Variants in PCDHGB1 observed in about 807,000 individuals in gnomAD.
PCDHGB1 encodes protocadherin gamma subfamily B, 1, also known as protocadherin gamma-B1.
A neutral mutation model predicts 56.6 loss-of-function variants in PCDHGB1; 34 were observed. That is an observed-to-expected ratio of 0.60 (90% CI 0.46 to 0.80). The LOEUF is 0.80. PCDHGB1 is among the 30% of genes least tolerant of loss of function. The probability of loss-of-function intolerance (pLI) is 0.00; values close to 1 mark genes in which losing one functional copy is unlikely to be tolerated. For missense variants in PCDHGB1, 1,278 were observed against 1,204.6 expected, an observed-to-expected ratio of 1.06 and a Z score of -0.90; for synonymous variants, 561 against 505.9, an observed-to-expected ratio of 1.11 and a Z score of -1.46.
At chr5:141,423,591 A>G in intron 1 of PCDHGB1, 1 of 1,613,312 alleles carries the variant, frequency 6.2e-7, no homozygotes, top group South Asian at 1.1e-5. Context: ...GCTGTGAGAA[A>G]AGCGAGCCAC....
At chr5:141,374,081 G>A (rs1588729709) in intron 1 of PCDHGB1, 1 of 1,524,542 alleles carries the variant, frequency 6.6e-7, no homozygotes. Flanking sequence ...TAATAAGCCA[G>A]TAATGGCGCC....
At chr5:141,394,064 C>G in intron 1 of PCDHGB1, 7 of 1,613,776 alleles carry the variant, frequency 4.3e-6, no homozygotes, top group Non-Finnish European at 5.9e-6. Flanking sequence ...ATGTCTCTAT[C>G]TACAATATCA....
intron 1 of PCDHGB1, chr5:141,374,029 A>T (rs1460112886): frequency 7.0e-7 from 1 of 1,428,780 alleles, no homozygotes; most frequent in Non-Finnish European, 9.2e-7. Flanking sequence ...AGCAAAAGTG[A>T]TGCAGATCTG....
intron 1 of PCDHGB1, chr5:141,378,833 C>T (rs1224132304): frequency 6.6e-6 from 1 of 152,128 alleles, no homozygotes; most frequent in East Asian, 1.9e-4. Context: ...GAACAGAAAA[C>T]AGCAGAGTTT....
At chr5:141,365,714 A>T in intron 1 of PCDHGB1, 3 of 1,613,646 alleles carry the variant, frequency 1.9e-6, no homozygotes, top group Non-Finnish European at 2.5e-6. Context: ...CACCTCTGTC[A>T]CAGAAAACAA....
intron 1 of PCDHGB1, chr5:141,399,854 G>T (rs747617678): frequency 6.2e-7 from 1 of 1,612,904 alleles, no homozygotes; most frequent in Non-Finnish European, 8.5e-7. Flanking sequence ...ATGGTGCCGC[G>T]CGCTGCAGAG....
intron 1 of PCDHGB1, among the ~76,000 whole-genome samples, chr5:141,483,525 A>G (rs1442825090): frequency 1.3e-5 from 2 of 152,126 alleles, no homozygotes; most frequent in African/African-American, 4.8e-5. Context: ...ATCCTGACTA[A>G]GGAAGCTGGG....
Position 141,485,585 on chromosome 5 carries a change from C to G in PCDHGB1, c.2410-9222C>G, listed in dbSNP as rs373987810. The G allele has an allele frequency of 7.4e-6, 12 of 1,612,204 alleles. No individual in the cohort carries two copies. The highest frequency in any genetic ancestry group is 1.0e-5 in the Non-Finnish European group (12 of 1,178,590). On this transcript the variant is annotated intron_variant, in intron 1 of 3. Transcript: ENST00000523390. The surrounding 1 kb of genome is among the most constrained non-coding windows in gnomAD (Gnocchi z 5.7). ...CGCCCCCCGTTTTCCGCGGCAGCAG[C>G]TGGACTTGGAAATTGGGGAGGCAGC...
At chr5:141,415,686 G>A in intron 1 of PCDHGB1, 2 of 1,535,424 alleles carry the variant, frequency 1.3e-6, no homozygotes, top group Non-Finnish European at 1.8e-6. Context: ...GCGGCATGAT[G>A]GTGGAAAGTG....
In PCDHGB1 at chr5:141,432,006, C is replaced by T. The variant is rs138689793; in HGVS notation, c.2410-62801C>T. Reference sequence around the variant, plus strand: ...ATAGTCTTGGATAGGGAACAGGTTCCTAGCTACAACATCACAGTGACCGCC... The same window carrying T: ...ATAGTCTTGGATAGGGAACAGGTTCTTAGCTACAACATCACAGTGACCGCC... On this transcript the variant is annotated intron_variant, in intron 1 of 3. Transcript: ENST00000523390. This position sits in a 1 kb window ranked among gnomAD's most constrained non-coding sequence, Gnocchi z 6.0. The T allele has an allele frequency of 2.6e-4, 412 of 1,614,186 alleles. 2 individuals carry two copies. The African/African-American group carries it at 4.6e-3, about 18-fold the overall frequency.
At chr5:141,403,772 A>G in intron 1 of PCDHGB1, 1 of 1,613,960 alleles carries the variant, frequency 6.2e-7, no homozygotes, top group Middle Eastern at 1.7e-4. Flanking sequence ...TGAGGGAATC[A>G]ACGGAAAAGT....
At chr5:141,400,360 C>T (rs1327384409) in intron 1 of PCDHGB1, 2 of 1,614,030 alleles carry the variant, frequency 1.2e-6, no homozygotes, top group East Asian at 2.2e-5. Context: ...GGGGACTTTG[C>T]CTTATTCCTA....
At chr5:141,436,588 G>A (rs1182294845) in intron 1 of PCDHGB1, among the ~76,000 whole-genome samples, 3 of 152,138 alleles carry the variant, frequency 2.0e-5, no homozygotes, top group Non-Finnish European at 2.9e-5. Context: ...AATTTGAAAG[G>A]TCGTGGTGAT....
At chr5:141,457,522 G>A (rs1200640017) in intron 1 of PCDHGB1, among the ~76,000 whole-genome samples, 1 of 152,188 alleles carries the variant, frequency 6.6e-6, no homozygotes, top group Non-Finnish European at 1.5e-5. Flanking sequence ...AACAATTAAT[G>A]AGACTAGGGT....
intron 1 of PCDHGB1, chr5:141,376,167 T>C (rs1772357284): frequency 3.1e-6 from 5 of 1,614,124 alleles, no homozygotes; most frequent in East Asian, 2.2e-5. Context: ...TACCTGGTGG[T>C]GGCGGTGGCC....
chr5:141,387,840 C>T, intron 1 of PCDHGB1: 2 of 1,597,864 alleles, frequency 1.3e-6, no homozygotes, highest in Non-Finnish European at 1.7e-6. Context: ...TTATTTGTAA[C>T]CCGGCGTCTC....
At chr5:141,381,826 C>CTTCTTTTTTTTTT (rs1777532522) in intron 1 of PCDHGB1, among the ~76,000 whole-genome samples, 2 of 74,284 alleles carry the variant, frequency 2.7e-5, no homozygotes, top group African/African-American at 1.2e-4. Context: ...CTTTCTTCTT[C>CTTCTTTTTTTTTT]TTTTTTTTTT....
chr5:141,487,748 T>A lies in PCDHGB1; in HGVS notation c.2410-7059T>A, dbSNP rs1458153935. ...TGTCACCATTTTTGTAAGAGGTAACTATGTGGTAGACGCTGTGCTTTGTAA... is the reference window on the plus strand; with the variant it reads ...TGTCACCATTTTTGTAAGAGGTAACAATGTGGTAGACGCTGTGCTTTGTAA... On this transcript the variant is annotated intron_variant, in intron 1 of 3. Transcript: ENST00000523390. This position sits in a 1 kb window ranked among gnomAD's most constrained non-coding sequence, Gnocchi z 5.0. 6.4e-7 allele frequency: 1 copy of A among 1,557,554 alleles called. No homozygotes were observed. The highest frequency in any genetic ancestry group is 1.2e-5 in the South Asian group (1 of 84,814).
At chr5:141,364,803 G>A (rs1763546634) in intron 1 of PCDHGB1, 1 of 1,614,002 alleles carries the variant, frequency 6.2e-7, no homozygotes, top group Non-Finnish European at 8.5e-7. Context: ...CCCTTCGCGC[G>A]GGATGCGGAT....
Sources: gnomAD v4.1 joint callset for allele counts (sites outside exome capture counted in the v4.1 genomes callset) on GRCh38, gnomAD v4.1.1 for gene constraint, Gnocchi (gnomAD v3.1) non-coding constraint, MANE v1.5 for transcripts, NCBI Gene and HGNC (gene_info 2026-07-23, HGNC 2026-07-21) for gene names.